NRXN1: variants seen among roughly 807,000 people sequenced by gnomAD.
The protein encoded by NRXN1 is neurexin 1.
Under a neutral mutation model 150.9 loss-of-function variants are expected in NRXN1, and 39 were observed. That is an observed-to-expected ratio of 0.26 (90% confidence interval 0.20 to 0.34). NRXN1 has a LOEUF of 0.34. NRXN1 is among the 10% of genes least tolerant of loss of function. The pLI, the probability that NRXN1 is intolerant of heterozygous loss-of-function variation, is 1.00. For synonymous variants in NRXN1, 924 were observed against 757.0 expected (o/e 1.22, Z -3.62); for missense variants, 1,815 against 1,949.9 (o/e 0.93, Z 1.30).
At chr2:50,923,001 T>G (rs1686299537) in intron 3 of NRXN1, among the ~76,000 whole-genome samples, 7 of 151,852 alleles carry the variant, frequency 4.6e-5, no homozygotes, top group Admixed American at 4.6e-4. Context: ...CTGCCCTCTG[T>G]GCCCTTTAAT....
chr2:50,525,387 T>C (rs1407398433), intron 12 of NRXN1, among the ~76,000 whole-genome samples: 2 of 152,184 alleles, frequency 1.3e-5, no homozygotes, highest in Non-Finnish European at 2.9e-5. Context: ...CCATCTACCC[T>C]TATTAAAGTA....
chr2:50,840,466 C>T (rs1672708326), intron 5 of NRXN1, among the ~76,000 whole-genome samples: 1 of 152,086 alleles, frequency 6.6e-6, no homozygotes, highest in African/African-American at 2.4e-5. Context: ...TTATAGAGGT[C>T]CAGATGGTGC....
chr2:50,760,756 G>T (rs1574383151), intron 5 of NRXN1, among the ~76,000 whole-genome samples: 1 of 151,918 alleles, frequency 6.6e-6, no homozygotes, highest in East Asian at 1.9e-4. Context: ...TGTGGGGTGG[G>T]TGTGTCTTGA....
intron 9 of NRXN1, among the ~76,000 whole-genome samples, chr2:50,543,070 A>C (rs539703776): frequency 2.3e-4 from 35 of 152,278 alleles, no homozygotes; most frequent in African/African-American, 8.4e-4. Context: ...GAAAAGGAGA[A>C]TTTTCAAAGG....
chr2:50,772,904 A>T (rs924243056), intron 5 of NRXN1, among the ~76,000 whole-genome samples: 1 of 152,118 alleles, frequency 6.6e-6, no homozygotes, highest in African/African-American at 2.4e-5. Context: ...GCTAAACTCA[A>T]TGCCCTACAA....
rs544220425 is a variant in NRXN1 at position 50,876,321 on chromosome 2, A to G, written c.832+45548T>C. Among the ~76,000 whole-genome samples the G allele has an allele frequency of 1.2e-4, 18 of 151,528 alleles. 1 individual carries two copies. The East Asian group carries it at 3.5e-3, about 30-fold the overall frequency. On this transcript the variant is annotated intron_variant, in intron 5 of 22. Coordinates refer to ENST00000401669, the MANE Select transcript of NRXN1 (RefSeq NM_001330078.2). ...AAAACTCTGTGACACCATTATCATG[A>G]TGAAAAATTCCACTTAGGAAGTCAC...
intron 17 of NRXN1, among the ~76,000 whole-genome samples, chr2:50,458,342 T>C (rs980503952): frequency 1.3e-5 from 2 of 152,094 alleles, no homozygotes; most frequent in Non-Finnish European, 2.9e-5. Context: ...AAGATAAAGA[T>C]AAGTAGAAGA....
chr2:50,076,934 A>G (rs1194843255), intron 19 of NRXN1, among the ~76,000 whole-genome samples: 3 of 152,194 alleles, frequency 2.0e-5, no homozygotes, highest in Non-Finnish European at 4.4e-5. Flanking sequence ...AGGACCAACA[A>G]TAACATTTTA....
chr2:50,881,050 C>T (rs1679353429), intron 5 of NRXN1, among the ~76,000 whole-genome samples: 1 of 151,906 alleles, frequency 6.6e-6, no homozygotes, highest in South Asian at 2.1e-4. Context: ...CATTATCAAC[C>T]ATATGAATTT....
chr2:50,125,432 C>T (rs1704440722), intron 18 of NRXN1, among the ~76,000 whole-genome samples: 1 of 152,056 alleles, frequency 6.6e-6, no homozygotes, highest in Non-Finnish European at 1.5e-5. Flanking sequence ...ACACATCTGG[C>T]TTTGTACCAA....
chr2:51,013,994 T>G (rs545138365), intron 2 of NRXN1, among the ~76,000 whole-genome samples: 8 of 152,174 alleles, frequency 5.3e-5, no homozygotes, highest in African/African-American at 1.9e-4. Flanking sequence ...CTACAGACAC[T>G]AGTGAGAGAC....
At chr2:50,583,934 C>A (rs1281302137) in intron 8 of NRXN1, among the ~76,000 whole-genome samples, 1 of 152,164 alleles carries the variant, frequency 6.6e-6, no homozygotes, top group Non-Finnish European at 1.5e-5. Flanking sequence ...ACCTTGACCC[C>A]AAGTGACTAG....
At chr2:50,734,367 T>A (rs1427175602) in intron 5 of NRXN1, among the ~76,000 whole-genome samples, 1 of 152,186 alleles carries the variant, frequency 6.6e-6, no homozygotes, top group Non-Finnish European at 1.5e-5. Flanking sequence ...GAATTTAAAC[T>A]AGTTAATGTG....
chr2:50,826,284 T>C (rs1049352499), intron 5 of NRXN1, among the ~76,000 whole-genome samples: 3 of 152,126 alleles, frequency 2.0e-5, no homozygotes, highest in Non-Finnish European at 2.9e-5. Flanking sequence ...GGGACAGTTT[T>C]ACAAATAAAA....
chr2:50,488,903 G>T (rs1304627304), intron 15 of NRXN1, among the ~76,000 whole-genome samples: 1 of 152,156 alleles, frequency 6.6e-6, no homozygotes, highest in Non-Finnish European at 1.5e-5. Context: ...CCTAAAGAGG[G>T]ACCTGCACCA....
At chr2:49,960,618 T>C (rs1359805138) in intron 21 of NRXN1, among the ~76,000 whole-genome samples, 1 of 152,170 alleles carries the variant, frequency 6.6e-6, no homozygotes. Context: ...TTGTGGAGTA[T>C]TTCCTTAAAA....
chr2:50,251,706 T>C (rs947685783), intron 17 of NRXN1, among the ~76,000 whole-genome samples: 2 of 152,170 alleles, frequency 1.3e-5, no homozygotes, highest in African/African-American at 2.4e-5. Context: ...GTTTCTTGAC[T>C]CTTTAATAAT....
chr2:50,769,622 G>A (rs1388912550), intron 5 of NRXN1, among the ~76,000 whole-genome samples: 1 of 152,010 alleles, frequency 6.6e-6, no homozygotes, highest in Non-Finnish European at 1.5e-5. Context: ...CCCGTTGCCT[G>A]GAAACGGCCT....
At chr2:50,432,118 A>G (rs6718809) in intron 17 of NRXN1, among the ~76,000 whole-genome samples, 41,586 of 151,850 alleles carry the variant, frequency 0.27, 5,837 homozygotes, top group East Asian at 0.39. Context: ...TCAGGGAGTG[A>G]ATACCTATGC....
Sources: allele counts gnomAD v4.1 joint callset (sites outside exome capture counted in the v4.1 genomes callset), GRCh38; gene constraint gnomAD v4.1.1; transcripts MANE v1.5; gene names NCBI Gene and HGNC (gene_info 2026-07-23, HGNC 2026-07-21).